Variants in ACTN1 observed in about 807,000 individuals in gnomAD.
ACTN1 encodes the protein actinin alpha 1.
Under a neutral mutation model 119.6 loss-of-function variants are expected in ACTN1, and 30 were observed. The observed-to-expected ratio is 0.25, with a 90% CI of 0.19 to 0.34. The LOEUF is 0.34. ACTN1 is among the 10% of genes least tolerant of loss of function. The pLI is 1.00. For missense variants in ACTN1, 764 were observed against 1,223.4 expected, an observed-to-expected ratio of 0.62 and a Z score of 5.60; for synonymous variants, 429 against 472.6, an observed-to-expected ratio of 0.91 and a Z score of 1.20.
At chr14:68,928,872 C>T (rs1214237112) in intron 1 of ACTN1, among the ~76,000 whole-genome samples, 1 of 152,150 alleles carries the variant, frequency 6.6e-6, no homozygotes, top group African/African-American at 2.4e-5. Flanking sequence ...GTACTGTTTC[C>T]AAGATGACAA....
intron 16 of ACTN1, among the ~76,000 whole-genome samples, chr14:68,881,540 T>C (rs2031513198): frequency 1.3e-5 from 2 of 152,204 alleles, no homozygotes; most frequent in Non-Finnish European, 2.9e-5. Context: ...GTGAAAGCAC[T>C]TTCTGTCCAC....
intron 1 of ACTN1, among the ~76,000 whole-genome samples, chr14:68,977,001 A>AC (rs1185899939): frequency 1.3e-5 from 2 of 152,176 alleles, no homozygotes; most frequent in Non-Finnish European, 2.9e-5. Context: ...AATATTAAAT[A>AC]CGATGTTCAG....
In ACTN1 at chr14:68,880,103, G is replaced by T; in HGVS notation, c.2139C>A (p.Ile713=). The T allele has an allele frequency of 1.2e-6, 2 of 1,613,970 alleles. No individual in the cohort carries two copies. Among genetic ancestry groups the T allele is most frequent in the South Asian group, 1.1e-5 (1 of 91,074 alleles). ...TGAGCAGCTGCTCCCAGCCCACACG[G>T]ATGTGCTGCAGGACGGCAAGGGGCC... ...NKHTNYTMEH[I]RVGWEQLLTT... is the part of the protein sequence containing the mutation. The change falls in exon 18 of 22, where the codon ATC becomes ATA. Residue 713 remains isoleucine, a synonymous_variant. Transcript: ENST00000394419. The surrounding 1 kb of genome is among the most constrained non-coding windows in gnomAD (Gnocchi z 4.6).
At chr14:68,935,503 A>G (rs1241396263) in intron 1 of ACTN1, among the ~76,000 whole-genome samples, 1 of 145,848 alleles carries the variant, frequency 6.9e-6, no homozygotes, top group East Asian at 2.0e-4. Flanking sequence ...CTCCTGCCTC[A>G]GCCTCCTGAG....
rs780402829 is a variant in ACTN1 at position 68,882,852 on chromosome 14, G to A, written c.1818+21C>T. 2.5e-6 allele frequency: 4 copies of A among 1,608,724 alleles called. No homozygotes were observed. Among genetic ancestry groups the A allele is most frequent in the South Asian group, 2.2e-5 (2 of 90,954 alleles). ...GCCTTTATGAAACTTACAATGGCTC[G>A]GCCCATGCCCTTCAACTCACGTGGT... On this transcript the variant is annotated intron_variant, in intron 15 of 21. Coordinates refer to ENST00000394419, the MANE Select transcript of ACTN1 (RefSeq NM_001130004.2). The surrounding 1 kb of genome is among the most constrained non-coding windows in gnomAD (Gnocchi z 4.5).
intron 1 of ACTN1, among the ~76,000 whole-genome samples, chr14:68,974,428 T>C (rs907407384): frequency 1.3e-5 from 2 of 151,966 alleles, no homozygotes; most frequent in African/African-American, 4.8e-5. Context: ...ATTTAAAAAT[T>C]TTAAACTATA....
chr14:68,885,381 C>G lies in ACTN1; in HGVS notation c.1385+44G>C. ...TCCCCCAGCAGCTGAGAAAGCCCAG[C>G]CTCAGCCCCTCACCACAGGGTAGGG... is the stretch of plus-strand genomic sequence containing the variant. On this transcript the variant is annotated intron_variant, in intron 12 of 21. Coordinates refer to ENST00000394419, the MANE Select transcript of ACTN1 (RefSeq NM_001130004.2). This position sits in a 1 kb window ranked among gnomAD's most constrained non-coding sequence, Gnocchi z 5.6. 1 of 1,567,704 alleles carries G rather than the reference C, an allele frequency of 6.4e-7. No homozygotes were observed. Among genetic ancestry groups the G allele is most frequent in the Non-Finnish European group, 8.7e-7 (1 of 1,153,244 alleles).
intron 4 of ACTN1, among the ~76,000 whole-genome samples, chr14:68,910,700 G>A (rs1255760041): frequency 1.3e-5 from 2 of 152,128 alleles, no homozygotes; most frequent in African/African-American, 4.8e-5. Context: ...ATCTCATCTT[G>A]AATTGTAGCT....
chr14:68,884,730 A>G, intron 13 of ACTN1, 45 bp downstream of exon 13: 3 of 1,510,176 alleles, frequency 2.0e-6, no homozygotes, highest in Non-Finnish European at 2.8e-6. Context: ...GGGGCACCAC[A>G]GGGCTGCCGG....
At chr14:68,930,617 C>T (rs2035181190) in intron 1 of ACTN1, among the ~76,000 whole-genome samples, 1 of 152,154 alleles carries the variant, frequency 6.6e-6, no homozygotes, top group Non-Finnish European at 1.5e-5. Context: ...CATGGGAATG[C>T]AAGGATTTAG....
rs367810249 is a variant in ACTN1 at position 68,880,951 on chromosome 14, C to T, written c.1992G>A (p.Leu664=). 18 of 1,613,994 alleles carry T rather than the reference C, an allele frequency of 1.1e-5. No individual in the cohort carries two copies. The African/African-American group carries it at 2.3e-4, about 20-fold the overall frequency. ...GCCGCAGGTGGCTGAGCTGGTCCTC[C>T]AGGGTCCCATGCATCTCAATGGAGA... ...GRISIEMHGT[L]EDQLSHLRQY... The change falls in exon 17 of 22, where the codon CTG becomes CTA. Residue 664 remains leucine (L), a synonymous_variant. Transcript: ENST00000394419. The surrounding 1 kb of genome is among the most constrained non-coding windows in gnomAD (Gnocchi z 4.6).
intron 8 of ACTN1, among the ~76,000 whole-genome samples, chr14:68,895,871 G>C (rs2032837371): frequency 6.6e-6 from 1 of 152,140 alleles, no homozygotes; most frequent in African/African-American, 2.4e-5. Context: ...CTACTCCAGA[G>C]TCAGGGTCAA....
At chr14:68,949,829 CT>C (rs1410301473) in intron 1 of ACTN1, among the ~76,000 whole-genome samples, 1 of 152,190 alleles carries the variant, frequency 6.6e-6, no homozygotes, top group Non-Finnish European at 1.5e-5. Flanking sequence ...TCAAGACATT[CT>C]GCTAAGTGAA....
intron 6 of ACTN1, among the ~76,000 whole-genome samples, chr14:68,905,853 G>A (rs1346518531): frequency 6.6e-6 from 1 of 152,034 alleles, no homozygotes; most frequent in Non-Finnish European, 1.5e-5. Context: ...TTAGCTGGGT[G>A]TGGTGGCACG....
chr14:68,879,732 C>T lies in ACTN1; in HGVS notation c.2280+230G>A. 1 of 519,116 alleles carries T rather than the reference C, an allele frequency of 1.9e-6. No homozygotes were observed. The highest frequency in any genetic ancestry group is 3.4e-6 in the Non-Finnish European group (1 of 294,288). 32.2% of individuals were successfully genotyped at this position (519,116 alleles called of 1,614,324 possible). On this transcript the variant is annotated intron_variant, in intron 18 of 21. Transcript: ENST00000394419. This position sits in a 1 kb window ranked among gnomAD's most constrained non-coding sequence, Gnocchi z 4.9. ...TCAGGGGTCAAAGGTCCTCTTTCTACCCACAGTCTGAACACTCTCTCCCGG... is the reference window on the plus strand; with the variant it reads ...TCAGGGGTCAAAGGTCCTCTTTCTATCCACAGTCTGAACACTCTCTCCCGG...
chr14:68,961,141 A>G (rs1206279084), intron 1 of ACTN1, among the ~76,000 whole-genome samples: 1 of 152,214 alleles, frequency 6.6e-6, no homozygotes, highest in Non-Finnish European at 1.5e-5. Flanking sequence ...CTTTTTGGAA[A>G]GAGGCAGGAA....
intron 1 of ACTN1, among the ~76,000 whole-genome samples, chr14:68,927,911 A>G (rs2035012840): frequency 1.3e-5 from 2 of 152,136 alleles, no homozygotes. Context: ...GTGCGTTGAC[A>G]CTGGGGTGGG....
intron 1 of ACTN1, among the ~76,000 whole-genome samples, chr14:68,938,905 T>TG (rs2035655920): frequency 1.3e-5 from 2 of 149,642 alleles, no homozygotes; most frequent in African/African-American, 5.1e-5. Flanking sequence ...GAGGAGGAGA[T>TG]GGGGAGGGGG....
Position 68,882,371 on chromosome 14 carries a change from C to A in ACTN1, c.1953+87G>T. The A allele has an allele frequency of 1.3e-6, 2 of 1,560,194 alleles. No homozygotes were observed. Among genetic ancestry groups the A allele is most frequent in the Non-Finnish European group, 8.7e-7 (1 of 1,148,544 alleles). ...GGCCTCAGTCCTCCATGGGTCCCAC[C>A]CAGGGAGACAGGCAGCCTGGCTGGC... On this transcript the variant is annotated intron_variant, in intron 16 of 21. Transcript: ENST00000394419. This position sits in a 1 kb window ranked among gnomAD's most constrained non-coding sequence, Gnocchi z 4.5.
Sources: allele counts gnomAD v4.1 joint callset (sites outside exome capture counted in the v4.1 genomes callset), GRCh38; gene constraint gnomAD v4.1.1; non-coding constraint Gnocchi (gnomAD v3.1); transcripts MANE v1.5; gene names NCBI Gene and HGNC (gene_info 2026-07-23, HGNC 2026-07-21).